RIN2: variants seen among roughly 807,000 people sequenced by gnomAD.
RIN2 encodes the protein RAB5 interacting protein 2.
Under a neutral mutation model 78.0 loss-of-function variants are expected in RIN2, and 36 were observed. That is an observed-to-expected ratio of 0.46 (90% CI 0.35 to 0.61). RIN2 has a LOEUF of 0.61. Ranked by LOEUF, RIN2 falls within the 20% of genes least tolerant of loss-of-function variation. The pLI is 0.00. For synonymous variants in RIN2, 466 were observed against 466.8 expected (o/e 1.00, Z 0.02); for missense variants, 1,087 against 1,159.7 (o/e 0.94, Z 0.91).
chr20:19,964,977 C>T lies in RIN2; in HGVS notation c.489C>T (p.Ile163=). Residue 163 remains isoleucine, a synonymous_variant, in exon 7 of 13, where the codon ATC becomes ATT. Coordinates refer to ENST00000255006, the MANE Select transcript of RIN2 (RefSeq NM_018993.4). ...CCTTTTCCCTGGAAGGCTCAGGAAT[C>T]AGTTTCGCAGATTTATTCCGGCTCA... ...TYTFSLEGSG[I]SFADLFRLIA... is the part of the protein sequence containing the mutation. 7 of 1,613,626 alleles carry T rather than the reference C, an allele frequency of 4.3e-6. No homozygotes were observed. In the South Asian group the frequency reaches 7.7e-5, roughly 18 times the overall value.
chr20:19,992,742 T>G (rs2042834944), intron 11 of RIN2, among the ~76,000 whole-genome samples: 1 of 152,220 alleles, frequency 6.6e-6, no homozygotes, highest in South Asian at 2.1e-4. Flanking sequence ...CCATTTTTTT[T>G]GGAAGAAATG....
intron 1 of RIN2, among the ~76,000 whole-genome samples, chr20:19,786,381 G>A (rs6046317): frequency 0.41 from 62,369 of 152,046 alleles, 16,131 homozygotes; most frequent in African/African-American, 0.74. Context: ...AACTAGCCCC[G>A]GGCAAACAGA....
chr20:19,816,807 A>G (rs376822794), intron 2 of RIN2, among the ~76,000 whole-genome samples: 2 of 152,358 alleles, frequency 1.3e-5, no homozygotes, highest in South Asian at 4.1e-4. Flanking sequence ...ACAATTCCTG[A>G]TGCATCTGAA....
intron 5 of RIN2, among the ~76,000 whole-genome samples, chr20:19,960,057 G>A (rs986115939): frequency 1.3e-5 from 2 of 152,176 alleles, no homozygotes; most frequent in African/African-American, 4.8e-5. Context: ...TGTCCACCGG[G>A]GTGAACTTCA....
At chr20:19,956,847 G>C (rs1004774745) in intron 5 of RIN2, 40 bp downstream of exon 5, 5 of 1,464,466 alleles carry the variant, frequency 3.4e-6, no homozygotes, top group Non-Finnish European at 4.5e-6. Flanking sequence ...GAAGCAGGCA[G>C]GACTGCTGCC....
At chr20:19,826,499 G>C (rs747932866) in intron 2 of RIN2, among the ~76,000 whole-genome samples, 11 of 152,140 alleles carry the variant, frequency 7.2e-5, no homozygotes, top group Non-Finnish European at 1.6e-4. Flanking sequence ...ATATCCATTA[G>C]CTTCTTCTGC....
chr20:19,949,902 A>C (rs1010162955), intron 4 of RIN2, among the ~76,000 whole-genome samples: 1 of 152,186 alleles, frequency 6.6e-6, no homozygotes, highest in South Asian at 2.1e-4. Flanking sequence ...TGGCAATGTT[A>C]GTAAAACTAA....
At chr20:19,941,973 C>T (rs535310921) in intron 4 of RIN2, among the ~76,000 whole-genome samples, 9 of 151,990 alleles carry the variant, frequency 5.9e-5, no homozygotes, top group South Asian at 2.1e-4. Context: ...ATTAGCCAGG[C>T]GCAGTGGCTC....
At chr20:19,913,442 C>G (rs927415484) in intron 3 of RIN2, among the ~76,000 whole-genome samples, 4 of 152,104 alleles carry the variant, frequency 2.6e-5, no homozygotes, top group Non-Finnish European at 5.9e-5. Context: ...GCCACCATGC[C>G]CAGTCACATT....
chr20:19,953,387 A>T (rs2041404770), intron 4 of RIN2, among the ~76,000 whole-genome samples: 1 of 152,000 alleles, frequency 6.6e-6, no homozygotes, highest in Admixed American at 6.6e-5. Context: ...CCGCCTCAGC[A>T]TCCCAAAGTG....
In RIN2 at chr20:19,762,787, G is replaced by A. The variant is rs2033695440; in HGVS notation, c.-163+4460G>A. Reference sequence around the variant, plus strand: ...TTATTTATTTATTTATTTAGAGATAGAGTTTCGCTCTTGTTGCCCAGGCTG... The same window carrying A: ...TTATTTATTTATTTATTTAGAGATAAAGTTTCGCTCTTGTTGCCCAGGCTG... On this transcript the variant is annotated intron_variant, in intron 1 of 12. Coordinates refer to ENST00000255006, the MANE Select transcript of RIN2 (RefSeq NM_018993.4). Among the ~76,000 whole-genome samples, 2 of 146,416 alleles carry A rather than the reference G, an allele frequency of 1.4e-5. 1 individual carries two copies. Among genetic ancestry groups the A allele is most frequent in the South Asian group, 4.4e-4 (2 of 4,534 alleles).
At chr20:19,760,572 C>G (rs2033597943) in intron 1 of RIN2, among the ~76,000 whole-genome samples, 2 of 152,144 alleles carry the variant, frequency 1.3e-5, no homozygotes, top group African/African-American at 4.8e-5. Flanking sequence ...CTTCCACTTT[C>G]CAGAAAGAAC....
At chr20:19,849,049 C>G (rs1028790992) in intron 2 of RIN2, among the ~76,000 whole-genome samples, 3 of 152,094 alleles carry the variant, frequency 2.0e-5, no homozygotes, top group African/African-American at 2.4e-5. Flanking sequence ...GAGAATTGCA[C>G]TGGGACAAAA....
Position 19,771,034 on chromosome 20 carries a change from A to G in RIN2, c.-163+12707A>G, listed in dbSNP as rs1052591581. On this transcript the variant is annotated intron_variant, in intron 1 of 12. Coordinates refer to ENST00000255006, the MANE Select transcript of RIN2 (RefSeq NM_018993.4). ...GGGAAACACAAATATTTATTGGATT[A>G]TTGTAAAGGATATTGCAAAGGATAC... Among the ~76,000 whole-genome samples, 5 of 152,334 alleles carry G rather than the reference A, an allele frequency of 3.3e-5. No homozygotes were observed. The East Asian group carries it at 5.8e-4, about 18-fold the overall frequency.
chr20:19,866,087 G>A (rs1225396769), intron 2 of RIN2, among the ~76,000 whole-genome samples: 1 of 152,040 alleles, frequency 6.6e-6, no homozygotes, highest in East Asian at 1.9e-4. Flanking sequence ...GGTGCCCTGA[G>A]CTTGGTTTCC....
chr20:19,811,849 A>T (rs1409699178), intron 2 of RIN2, among the ~76,000 whole-genome samples: 2 of 148,406 alleles, frequency 1.3e-5, no homozygotes, highest in African/African-American at 5.1e-5. Flanking sequence ...TCCCATTTTA[A>T]AAAAAAAAAG....
chr20:19,988,691 T>A (rs1222069034), intron 9 of RIN2, among the ~76,000 whole-genome samples: 1 of 152,162 alleles, frequency 6.6e-6, no homozygotes, highest in Non-Finnish European at 1.5e-5. Context: ...AACCATTCAA[T>A]GAAGGAGGGA....
intron 2 of RIN2, among the ~76,000 whole-genome samples, chr20:19,840,161 A>G (rs2036539480): frequency 6.6e-6 from 1 of 152,234 alleles, no homozygotes; most frequent in African/African-American, 2.4e-5. Flanking sequence ...AGTTTTAGCC[A>G]ACTCCAACCT....
intron 2 of RIN2, among the ~76,000 whole-genome samples, chr20:19,844,649 T>TTCTTCTTCTTCTTCC: frequency 8.5e-6 from 1 of 118,012 alleles, no homozygotes; most frequent in African/African-American, 3.5e-5. Context: ...CTTCTTCTTC[T>TTCTTCTTCTTCTTCC]TCTTCTTCTT....
Sources: gnomAD v4.1 joint callset for allele counts (sites outside exome capture counted in the v4.1 genomes callset) on GRCh38, gnomAD v4.1.1 for gene constraint, MANE v1.5 for transcripts, NCBI Gene and HGNC (gene_info 2026-07-23, HGNC 2026-07-21) for gene names.